Variants in ATP11A observed in about 807,000 individuals in gnomAD.
ATP11A encodes ATPase phospholipid transporting 11A.
In ATP11A, 81 loss-of-function variants were observed where a neutral mutation model predicts 154.4. That is an observed-to-expected ratio of 0.52 (90% CI 0.44 to 0.63). ATP11A has a LOEUF of 0.63. Among genes scored for constraint, ATP11A ranks in the 30% least tolerant of loss-of-function variants. ATP11A has a pLI of 0.00. For synonymous variants in ATP11A, 623 were observed against 585.9 expected (o/e 1.06, Z -0.91); for missense variants, 1,316 against 1,474.3 (o/e 0.89, Z 1.76).
intron 4 of ATP11A, among the ~76,000 whole-genome samples, chr13:112,808,490 C>G (rs1231905219): frequency 7.0e-6 from 1 of 143,142 alleles, no homozygotes; most frequent in Admixed American, 7.1e-5. Flanking sequence ...CCTCGACCTT[C>G]CCCCACTACT....
At chr13:112,823,308 C>G in intron 8 of ATP11A, 37 bp from the exon 9 acceptor site, 2 of 1,582,316 alleles carry the variant, frequency 1.3e-6, no homozygotes, top group East Asian at 4.5e-5. Context: ...CACTTGCCTT[C>G]GTGTCCGCAT....
At chr13:112,858,312 CT>C in intron 22 of ATP11A, 22 bp downstream of exon 22, 1 of 1,598,924 alleles carries the variant, frequency 6.3e-7, no homozygotes, top group East Asian at 2.2e-5. Context: ...GCCGCTCCCC[CT>C]CACGGTGTTA....
At chr13:112,877,542 G>A (rs927299307) in intron 28 of ATP11A, among the ~76,000 whole-genome samples, 3 of 152,232 alleles carry the variant, frequency 2.0e-5, no homozygotes, top group Non-Finnish European at 2.9e-5. Flanking sequence ...GTCTGACCCC[G>A]AGAGAGAGCA....
chr13:112,711,539 A>G (rs968354106), intron 1 of ATP11A, among the ~76,000 whole-genome samples: 8 of 150,718 alleles, frequency 5.3e-5, no homozygotes, highest in African/African-American at 1.7e-4. Flanking sequence ...AAAGCAGCCC[A>G]GGGACGTCAC....
At chr13:112,858,619 G>A (rs2080006583) in intron 22 of ATP11A, 1 of 224,960 alleles carries the variant, frequency 4.4e-6, no homozygotes, top group Non-Finnish European at 8.9e-6. Context: ...TTCCTGGGAT[G>A]TGGCTTGTCC....
In ATP11A at chr13:112,858,014, A is replaced by AC. The variant is rs1594194710; in HGVS notation, c.2521+99dup. On this transcript the variant is annotated intron_variant, in intron 21 of 29. Coordinates refer to ENST00000375645, the MANE Select transcript of ATP11A (RefSeq NM_015205.3). ...GGCAGCACGCAGGTGCATTCAGGACACCCCCGTCACCACCCTCGTGTGTGA... is the reference window on the plus strand; with the variant it reads ...GGCAGCACGCAGGTGCATTCAGGACACCCCCCGTCACCACCCTCGTGTGTGA... 5.6e-5 allele frequency: 87 copies of AC among 1,558,318 alleles called. No individual in the cohort carries two copies. The East Asian group carries it at 1.9e-3, about 35-fold the overall frequency.
At chr13:112,792,024 A>G (rs539522301) in intron 2 of ATP11A, among the ~76,000 whole-genome samples, 1 of 152,166 alleles carries the variant, frequency 6.6e-6, no homozygotes, top group East Asian at 1.9e-4. Context: ...ACCTCTGAGG[A>G]CAGAAGGGGG....
At chr13:112,763,489 A>G (rs1007678455) in intron 1 of ATP11A, among the ~76,000 whole-genome samples, 4 of 152,350 alleles carry the variant, frequency 2.6e-5, no homozygotes, top group Admixed American at 2.0e-4. Flanking sequence ...TTTCATTGAC[A>G]TATTTTGAAA....
intron 2 of ATP11A, among the ~76,000 whole-genome samples, chr13:112,792,207 C>A (rs1390214911): frequency 6.6e-6 from 1 of 151,412 alleles, no homozygotes; most frequent in African/African-American, 2.4e-5. Context: ...AGGCTGGAGT[C>A]TGGAATCTAG....
intron 1 of ATP11A, among the ~76,000 whole-genome samples, chr13:112,694,560 A>G (rs1327168005): frequency 6.6e-6 from 1 of 152,114 alleles, no homozygotes; most frequent in Non-Finnish European, 1.5e-5. Flanking sequence ...CGTGGGCAGG[A>G]TGCTTCCCTC....
At chr13:112,781,499 G>T (rs544256256) in intron 1 of ATP11A, among the ~76,000 whole-genome samples, 1 of 152,276 alleles carries the variant, frequency 6.6e-6, no homozygotes, top group South Asian at 2.1e-4. Flanking sequence ...GACCACGAAG[G>T]TTGGGCCTCC....
At chr13:112,769,543 G>A (rs776475673) in intron 1 of ATP11A, among the ~76,000 whole-genome samples, 1 of 152,214 alleles carries the variant, frequency 6.6e-6, no homozygotes, top group Non-Finnish European at 1.5e-5. Context: ...TCTAATGCCT[G>A]AGTTTATAGT....
chr13:112,816,807 A>T (rs2078659262), intron 6 of ATP11A, among the ~76,000 whole-genome samples: 1 of 152,220 alleles, frequency 6.6e-6, no homozygotes. Context: ...AAATAACTTC[A>T]GTGTTAACCT....
chr13:112,793,482 C>G (rs970421353), intron 2 of ATP11A, among the ~76,000 whole-genome samples: 13 of 152,200 alleles, frequency 8.5e-5, no homozygotes, highest in African/African-American at 2.7e-4. Flanking sequence ...GGTTTACAGA[C>G]GTGAGTCGCC....
chr13:112,738,874 G>C (rs560676186), intron 1 of ATP11A, among the ~76,000 whole-genome samples: 1 of 138,474 alleles, frequency 7.2e-6, no homozygotes, highest in East Asian at 2.0e-4. Flanking sequence ...TGCAGTTCTG[G>C]GGCCTGCTGT....
intron 1 of ATP11A, among the ~76,000 whole-genome samples, chr13:112,755,098 C>T (rs987144174): frequency 4.6e-5 from 7 of 152,222 alleles, no homozygotes; most frequent in Non-Finnish European, 7.3e-5. Flanking sequence ...CGACTGTGGA[C>T]GAGGAAATTG....
intron 1 of ATP11A, among the ~76,000 whole-genome samples, chr13:112,734,801 TG>T (rs1283315940): frequency 1.3e-5 from 2 of 152,168 alleles, no homozygotes; most frequent in African/African-American, 4.8e-5. Context: ...CTATGGTGCC[TG>T]GTGGGGTGGC....
At position 112,885,337 on chromosome 13, in the gene ATP11A, C is replaced by T. The variant is rs1412986015; in HGVS notation, c.*3471C>T. On this transcript the variant is annotated 3_prime_UTR_variant, in exon 30 of 30. Transcript: ENST00000375645. ...GAGAGACGTATGAGCTTCTACTGCA[C>T]ACATGCACACACACACGCACACGTA... The T allele has an allele frequency of 6.6e-6, 1 of 152,120 alleles. No homozygotes were observed. The highest frequency in any genetic ancestry group is 1.5e-5 in the Non-Finnish European group (1 of 68,062). The allele number at this position is 152,120 out of a possible 1,614,324, so 9.4% of individuals were successfully genotyped here.
intron 1 of ATP11A, among the ~76,000 whole-genome samples, chr13:112,760,632 C>G (rs1347707286): frequency 1.3e-5 from 2 of 152,198 alleles, no homozygotes; most frequent in African/African-American, 4.8e-5. Flanking sequence ...CCTGTTCCCT[C>G]TTCTTGCTCA....
Sources: allele counts gnomAD v4.1 joint callset (sites outside exome capture counted in the v4.1 genomes callset), GRCh38; gene constraint gnomAD v4.1.1; transcripts MANE v1.5; gene names NCBI Gene and HGNC (gene_info 2026-07-23, HGNC 2026-07-21).